GDAP1L1: variants seen among roughly 807,000 people sequenced by gnomAD.
GDAP1L1 encodes ganglioside-induced differentiation-associated protein 1-like 1.
In GDAP1L1, 21 loss-of-function variants were observed where a neutral mutation model predicts 37.1. That is an observed-to-expected ratio of 0.57 (90% CI 0.40 to 0.81). The LOEUF (loss-of-function observed/expected upper bound fraction) is 0.81. Among genes scored for constraint, GDAP1L1 ranks in the 40% least tolerant of loss-of-function variants. The pLI is 0.00. For synonymous variants in GDAP1L1, 193 were observed against 209.1 expected (o/e 0.92, Z 0.67); for missense variants, 362 against 491.6 (o/e 0.74, Z 2.49).
Position 44,279,651 on chromosome 20 carries a change from G to A in GDAP1L1, c.*351G>A, listed in dbSNP as rs1404067615. 2.1e-6 allele frequency: 1 copy of A among 483,734 alleles called. No homozygotes were observed. Among genetic ancestry groups the A allele is most frequent in the Admixed American group, 2.3e-5 (1 of 42,902 alleles). The allele number at this position is 483,734 out of a possible 1,614,324, so 30.0% of individuals were successfully genotyped here. On this transcript the variant is annotated 3_prime_UTR_variant, in exon 6 of 6. Coordinates refer to ENST00000342560, the MANE Select transcript of GDAP1L1 (RefSeq NM_024034.6). ...GTCCCAGGATGTTTCGTCCACCAGG[G>A]CCCAGATTCTGGGAGGTGCTGGGGA...
At chr20:44,250,079 C>A (rs190598283) in intron 1 of GDAP1L1, among the ~76,000 whole-genome samples, 12 of 152,242 alleles carry the variant, frequency 7.9e-5, no homozygotes, top group African/African-American at 2.4e-4. Flanking sequence ...GAGGGCAGTC[C>A]CCCATTGTCA....
chr20:44,261,600 A>T (rs773568045), intron 3 of GDAP1L1, among the ~76,000 whole-genome samples: 17 of 152,342 alleles, frequency 1.1e-4, no homozygotes, highest in Non-Finnish European at 2.1e-4. Flanking sequence ...AGAGGGAGAC[A>T]TACACATTCA....
chr20:44,259,161 G>A (rs1189203158), intron 3 of GDAP1L1, among the ~76,000 whole-genome samples: 1 of 152,192 alleles, frequency 6.6e-6, no homozygotes, highest in Non-Finnish European at 1.5e-5. Flanking sequence ...GGTTACCCAT[G>A]AGCATGTCCT....
chr20:44,247,178 C>T, upstream of GDAP1L1: 1 of 735,260 alleles, frequency 1.4e-6, no homozygotes, highest in Non-Finnish European at 2.3e-6. Context: ...CCCGGGATCC[C>T]CTCGCCCCCT....
rs1374241602 is a variant in GDAP1L1, at chr20:44,280,113, G to A, written c.*813G>A. On this transcript the variant is annotated 3_prime_UTR_variant, in exon 6 of 6. Transcript: ENST00000342560. ...CCCAAGTGCAGGGGCGGATCTGGAG[G>A]TGGACAAACCTAGGTCCCCCTCCTA... The A allele has an allele frequency of 3.4e-6, 1 of 291,864 alleles. No individual in the cohort carries two copies. Among genetic ancestry groups the A allele is most frequent in the Non-Finnish European group, 6.7e-6 (1 of 148,894 alleles). 18.1% of individuals were successfully genotyped at this position (291,864 alleles called of 1,614,324 possible).
In GDAP1L1 at chr20:44,264,442, C is replaced by A; in HGVS notation, c.646-3C>A. 2 of 1,488,796 alleles carry A rather than the reference C, an allele frequency of 1.3e-6. No individual in the cohort carries two copies. The highest frequency in any genetic ancestry group is 2.9e-5 in the South Asian group (2 of 69,968). 92.2% of individuals were successfully genotyped at this position (1,488,796 alleles called of 1,614,324 possible). On this transcript the variant is annotated splice_region_variant and splice_polypyrimidine_tract_variant and intron_variant, in intron 4 of 5. Transcript: ENST00000342560. ...GCTTCTCTTGGCCCTGTCCTGCCCC[C>A]AGGCCAAGATCTTGGAGCATGATGA...
intron 5 of GDAP1L1, 163 bp downstream of exon 5, chr20:44,264,722 ACTTCC>A: frequency 7.1e-7 from 1 of 1,408,678 alleles, no homozygotes; most frequent in Non-Finnish European, 9.5e-7. Context: ...TAACTTGGCC[ACTTCC>A]TAGCTTAGTA....
Position 44,279,341 on chromosome 20 carries a change from G to C in GDAP1L1, c.*41G>C. 7.6e-7 allele frequency: 1 copy of C among 1,313,902 alleles called. No homozygotes were observed. The highest frequency in any genetic ancestry group is 1.1e-6 in the Non-Finnish European group (1 of 920,198). The allele number at this position is 1,313,902 out of a possible 1,614,324, so 81.4% of individuals were successfully genotyped here. A position where few individuals can be genotyped will look rare whatever the true frequency, so the allele number is the denominator to read the frequency against. On this transcript the variant is annotated 3_prime_UTR_variant, in exon 6 of 6. Coordinates refer to ENST00000342560, the MANE Select transcript of GDAP1L1 (RefSeq NM_024034.6). ...TTGGTGTCTGACTGTCGGTGTCTCT[G>C]TGCTGTGTGATTCCCCGTGAGCTCT...
rs748624632 is a variant in GDAP1L1, at chr20:44,247,413, C to G, written c.79C>G (p.Pro27Ala). Residue 27 changes from proline (P) to alanine (A), a missense_variant, in exon 1 of 6, where the codon CCA becomes GCA. Physicochemically the swap from Pro to Ala is conservative, Grantham distance 27 (BLOSUM62 -1). Transcript: ENST00000342560. The stretch of plus-strand genomic sequence containing the variant: ...CGCGCTGGAGAGCGATGCGGCCAAG[C>G]CAGCGGAGGCCCCCGACGCTCCCGA... ...ISALESDAAK[P>A]AEAPDAPEAA... 5.0e-6 allele frequency: 8 copies of G among 1,611,222 alleles called. No individual in the cohort carries two copies. Among genetic ancestry groups the G allele is most frequent in the Non-Finnish European group, 5.9e-6 (7 of 1,179,306 alleles).
intron 5 of GDAP1L1, among the ~76,000 whole-genome samples, chr20:44,271,099 C>G (rs1171336187): frequency 6.6e-6 from 1 of 152,004 alleles, no homozygotes; most frequent in Non-Finnish European, 1.5e-5. Flanking sequence ...TCTGTCTCTA[C>G]AAGAAAGCAC....
At chr20:44,270,716 T>C (rs2146041834) in intron 5 of GDAP1L1, among the ~76,000 whole-genome samples, 1 of 152,320 alleles carries the variant, frequency 6.6e-6, no homozygotes, top group South Asian at 2.1e-4. Flanking sequence ...AGACTTTAGT[T>C]CCTTACCATG....
chr20:44,247,570 GC>G, intron 1 of GDAP1L1, 56 bp downstream of exon 1: 1 of 1,422,146 alleles, frequency 7.0e-7, no homozygotes. Context: ...GGGGAGGGGA[GC>G]CCCAGGGCTT....
chr20:44,267,819 C>T (rs1019447608), intron 5 of GDAP1L1, among the ~76,000 whole-genome samples: 2 of 152,138 alleles, frequency 1.3e-5, no homozygotes, highest in African/African-American at 4.8e-5. Context: ...AGAATAGCCT[C>T]AGACATGCAT....
At position 44,262,925 on chromosome 20, in the gene GDAP1L1, G is replaced by T. The variant is rs555871376; in HGVS notation, c.548-305G>T. 2.6e-5 allele frequency among the ~76,000 whole-genome samples: 4 copies of T among 151,932 alleles called. No individual in the cohort carries two copies. In the South Asian group the frequency reaches 6.3e-4, roughly 24 times the overall value. ...GGGTTCTTGCTATTTGCCCAAGCTG[G>T]TCTTGAACTCCTGGGCTCAAGTGAT... On this transcript the variant is annotated intron_variant, in intron 3 of 5. Coordinates refer to ENST00000342560, the MANE Select transcript of GDAP1L1 (RefSeq NM_024034.6).
At chr20:44,257,010 A>T in intron 1 of GDAP1L1, 143 bp from the exon 2 acceptor site, 1 of 839,926 alleles carries the variant, frequency 1.2e-6, no homozygotes, top group Non-Finnish European at 1.8e-6. Flanking sequence ...CCCCAAACCC[A>T]GGTGCCCAAG....
At chr20:44,251,176 A>G (rs1039887228) in intron 1 of GDAP1L1, among the ~76,000 whole-genome samples, 2 of 152,232 alleles carry the variant, frequency 1.3e-5, no homozygotes, top group African/African-American at 4.8e-5. Flanking sequence ...ATTGGAATTC[A>G]TAGGGATTAA....
rs186669468 is a variant in GDAP1L1, at chr20:44,269,522, G to A, written c.760+4963G>A. 6.6e-5 allele frequency among the ~76,000 whole-genome samples: 10 copies of A among 152,318 alleles called. No individual in the cohort carries two copies. The East Asian group carries it at 9.6e-4, about 15-fold the overall frequency. On this transcript the variant is annotated intron_variant, in intron 5 of 5. Transcript: ENST00000342560. ...AGCTCAGGTGAGAGATGATGTTGGC[G>A]TGGACTGAGATGGTTGCAGTGGATA...
At chr20:44,247,712 A>G (rs1351946682) in intron 1 of GDAP1L1, among the ~76,000 whole-genome samples, 198 bp downstream of exon 1, 3 of 147,782 alleles carry the variant, frequency 2.0e-5, no homozygotes, top group Non-Finnish European at 3.0e-5. Context: ...GGGCCCCAGG[A>G]GCACAGTTCT....
chr20:44,275,520 G>T (rs1245990763), intron 5 of GDAP1L1, among the ~76,000 whole-genome samples: 1 of 152,222 alleles, frequency 6.6e-6, no homozygotes, highest in African/African-American at 2.4e-5. Context: ...AGGGAAGGGA[G>T]AGGGGAGAGC....
Sources: allele counts gnomAD v4.1 joint callset (sites outside exome capture counted in the v4.1 genomes callset), GRCh38; gene constraint gnomAD v4.1.1; transcripts MANE v1.5; gene names NCBI Gene and HGNC (gene_info 2026-07-23, HGNC 2026-07-21).